The following NRXN3 variants were observed in gnomAD, a reference collection of about 807,000 sequenced individuals.
The protein encoded by NRXN3 is neurexin 3.
In NRXN3, 32 loss-of-function variants were observed where a neutral mutation model predicts 137.6. The observed-to-expected ratio is 0.23, with a 90% CI of 0.18 to 0.31. The LOEUF (loss-of-function observed/expected upper bound fraction) is 0.31, where lower values mean the gene tolerates loss of function less well. NRXN3 is among the 10% of genes least tolerant of loss of function. The pLI is 1.00. For missense variants in NRXN3, 1,574 were observed against 2,062.5 expected (o/e 0.76, Z 4.59); for synonymous variants, 798 against 784.5 (o/e 1.02, Z -0.29).
At chr14:79,635,304 T>C (rs1009839258) in intron 16 of NRXN3, among the ~76,000 whole-genome samples, 51 of 152,212 alleles carry the variant, frequency 3.4e-4, no homozygotes, top group African/African-American at 1.2e-3. Context: ...GATCATTTTA[T>C]GCCTCTTGAT....
intron 4 of NRXN3, among the ~76,000 whole-genome samples, chr14:78,480,738 G>A (rs1990531): frequency 0.27 from 41,122 of 151,946 alleles, 7,092 homozygotes; most frequent in Non-Finnish European, 0.37. Flanking sequence ...TACATATTGT[G>A]CAGCTTTTTT....
At chr14:78,926,648 AAT>A (rs1491105897) in intron 10 of NRXN3, among the ~76,000 whole-genome samples, 26 of 95,800 alleles carry the variant, frequency 2.7e-4, no homozygotes, top group Admixed American at 1.9e-3. Flanking sequence ...ATTTATATAT[AAT>A]ATATATATTT....
chr14:79,811,419 T>C (rs2140844531), intron 20 of NRXN3, among the ~76,000 whole-genome samples: 1 of 152,338 alleles, frequency 6.6e-6, no homozygotes, highest in South Asian at 2.1e-4. Flanking sequence ...GTTGTTCACA[T>C]ACTTAGGTCT....
In NRXN3 at chr14:79,583,374, A is replaced by G. The variant is rs144370231; in HGVS notation, c.3445-80404A>G. On this transcript the variant is annotated intron_variant, in intron 16 of 20. Coordinates refer to ENST00000335750, the MANE Select transcript of NRXN3 (RefSeq NM_001330195.2). ...TGTCTTAACATTGCTAAGAAAAGAA[A>G]CACACTTGCCCCCTTTTTGCAGAAG... is the stretch of plus-strand genomic sequence containing the variant. Among the ~76,000 whole-genome samples, 421 of 152,300 alleles carry G rather than the reference A, an allele frequency of 2.8e-3. 2 individuals carry two copies. Among genetic ancestry groups the G allele is most frequent in the Admixed American group, 3.9e-3 (59 of 15,302 alleles).
chr14:79,428,511 T>G (rs1415632462), intron 15 of NRXN3, among the ~76,000 whole-genome samples: 1 of 152,136 alleles, frequency 6.6e-6, no homozygotes, highest in Non-Finnish European at 1.5e-5. Flanking sequence ...AGTGGAAATA[T>G]TCTTTAAATT....
intron 15 of NRXN3, among the ~76,000 whole-genome samples, chr14:79,146,939 C>A (rs959764389): frequency 6.6e-6 from 1 of 152,068 alleles, no homozygotes; most frequent in African/African-American, 2.4e-5. Flanking sequence ...AGGAGAGCAG[C>A]AACAACTGAG....
intron 15 of NRXN3, among the ~76,000 whole-genome samples, chr14:79,354,019 T>C (rs905710957): frequency 2.0e-5 from 3 of 152,090 alleles, no homozygotes; most frequent in African/African-American, 7.2e-5. Context: ...ACGACATCTT[T>C]TGTCAACACT....
chr14:79,806,420 A>C (rs993164017), intron 20 of NRXN3, among the ~76,000 whole-genome samples: 4 of 152,210 alleles, frequency 2.6e-5, no homozygotes, highest in Non-Finnish European at 4.4e-5. Flanking sequence ...AGTATGACAC[A>C]GGGACACATC....
intron 8 of NRXN3, among the ~76,000 whole-genome samples, chr14:78,798,412 T>G (rs2098828787): frequency 6.6e-6 from 1 of 152,144 alleles, no homozygotes; most frequent in African/African-American, 2.4e-5. Context: ...ATGCAAGAGG[T>G]GGGTTCCCAT....
chr14:79,048,851 C>A (rs952263978), intron 15 of NRXN3, among the ~76,000 whole-genome samples: 1 of 147,798 alleles, frequency 6.8e-6, no homozygotes, highest in African/African-American at 2.5e-5. Context: ...GGTGAAACCC[C>A]GTCTCTACTA....
chr14:79,481,118 G>A (rs1221665361), intron 16 of NRXN3, among the ~76,000 whole-genome samples: 1 of 147,406 alleles, frequency 6.8e-6, no homozygotes, highest in Non-Finnish European at 1.5e-5. Flanking sequence ...CAAACTCCCT[G>A]TCCTCATGGT....
chr14:78,458,162 A>C (rs2094806105), intron 4 of NRXN3, among the ~76,000 whole-genome samples: 1 of 152,182 alleles, frequency 6.6e-6, no homozygotes, highest in South Asian at 2.1e-4. Flanking sequence ...TCAGGAAACA[A>C]ATCTGCCTTC....
At chr14:78,234,541 T>C (rs1596223607) in intron 1 of NRXN3, among the ~76,000 whole-genome samples, 2 of 152,184 alleles carry the variant, frequency 1.3e-5, no homozygotes, top group East Asian at 3.9e-4. Context: ...CTAGAGCCCA[T>C]GCCTTTAACC....
intron 10 of NRXN3, among the ~76,000 whole-genome samples, chr14:78,918,146 G>A (rs557818494): frequency 2.0e-4 from 31 of 151,618 alleles, no homozygotes; most frequent in African/African-American, 6.5e-4. Context: ...TTAGCCGGGC[G>A]TGGTGGCGCA....
intron 1 of NRXN3, among the ~76,000 whole-genome samples, chr14:78,217,901 T>C (rs2063459495): frequency 6.6e-6 from 1 of 152,188 alleles, no homozygotes. Flanking sequence ...CCTCAAGTAA[T>C]CTGCTTGCCT....
chr14:78,688,646 GA>G (rs2098142820), intron 6 of NRXN3, among the ~76,000 whole-genome samples: 1 of 152,054 alleles, frequency 6.6e-6, no homozygotes, highest in Admixed American at 6.6e-5. Flanking sequence ...TCAGGAAAGG[GA>G]GCAGGTTTGT....
At chr14:79,820,120 C>T (rs118049284) in intron 20 of NRXN3, among the ~76,000 whole-genome samples, 1,711 of 152,214 alleles carry the variant, frequency 0.011, 48 homozygotes, top group Non-Finnish European at 8.8e-3. Flanking sequence ...GACTGAGATA[C>T]GATTTCACAA....
In NRXN3 at chr14:79,780,596, GAGA is replaced by G. The variant is rs1568228562; in HGVS notation, c.4015-24515_4015-24513del. Among the ~76,000 whole-genome samples, 10 of 152,194 alleles carry G rather than the reference GAGA, an allele frequency of 6.6e-5. No homozygotes were observed. The South Asian group carries it at 2.1e-3, about 32-fold the overall frequency. Reference sequence around the variant, plus strand: ...TGCACTCCAGCCTGGGCGACAGAGCGAGACTCTGTCCCTAAATAAATAAATAAA... The same window carrying G: ...TGCACTCCAGCCTGGGCGACAGAGCGCTCTGTCCCTAAATAAATAAATAAA... On this transcript the variant is annotated intron_variant, in intron 19 of 20. Transcript: ENST00000335750.
At chr14:79,449,391 A>G (rs2096125548) in intron 15 of NRXN3, among the ~76,000 whole-genome samples, 1 of 152,084 alleles carries the variant, frequency 6.6e-6, no homozygotes, top group African/African-American at 2.4e-5. Context: ...CTAGCACTTC[A>G]GTTTGCTTAT....
Sources: allele counts gnomAD v4.1 joint callset (sites outside exome capture counted in the v4.1 genomes callset), GRCh38; gene constraint gnomAD v4.1.1; transcripts MANE v1.5; gene names NCBI Gene and HGNC (gene_info 2026-07-23, HGNC 2026-07-21).